EHBP1: variants seen among roughly 807,000 people sequenced by gnomAD.
EHBP1 encodes the protein EH domain-binding protein 1.
Under a neutral mutation model 144.0 loss-of-function variants are expected in EHBP1, and 55 were observed. The observed-to-expected ratio is 0.38, with a 90% CI of 0.31 to 0.48. EHBP1 has a LOEUF of 0.48. EHBP1 is among the 20% of genes least tolerant of loss of function. The probability of loss-of-function intolerance (pLI) is 0.98; values close to 1 mark genes in which losing one functional copy is unlikely to be tolerated. For synonymous variants in EHBP1, 469 were observed against 472.7 expected, an observed-to-expected ratio of 0.99 and a Z score of 0.10; for missense variants, 1,200 against 1,364.2, an observed-to-expected ratio of 0.88 and a Z score of 1.90.
chr2:62,893,246 G>A (rs2152920751), intron 10 of EHBP1, among the ~76,000 whole-genome samples: 1 of 152,240 alleles, frequency 6.6e-6, no homozygotes, highest in East Asian at 1.9e-4. Flanking sequence ...CATTTTCTTT[G>A]TGTCATAAGT....
At chr2:62,852,889 A>C (rs1182460426) in intron 7 of EHBP1, among the ~76,000 whole-genome samples, 2 of 152,176 alleles carry the variant, frequency 1.3e-5, no homozygotes, top group Non-Finnish European at 2.9e-5. Flanking sequence ...AACTATTGGC[A>C]AAACAAGATG....
intron 5 of EHBP1, among the ~76,000 whole-genome samples, chr2:62,783,098 G>A (rs1352699804): frequency 6.6e-6 from 1 of 152,112 alleles, no homozygotes; most frequent in Non-Finnish European, 1.5e-5. Flanking sequence ...ATCCAACAGG[G>A]CAGTCATTAA....
chr2:62,714,088 C>T (rs1004927122), intron 2 of EHBP1, among the ~76,000 whole-genome samples: 2 of 152,038 alleles, frequency 1.3e-5, no homozygotes, highest in African/African-American at 4.8e-5. Context: ...CTTTTGTTCT[C>T]TAAAAAAATA....
At chr2:62,840,032 A>T (rs1043094416) in intron 7 of EHBP1, among the ~76,000 whole-genome samples, 6 of 152,166 alleles carry the variant, frequency 3.9e-5, no homozygotes, top group Non-Finnish European at 8.8e-5. Context: ...CATTGCCAAG[A>T]CAATCCTAAG....
intron 14 of EHBP1, 27 bp from the exon 15 acceptor site, chr2:62,979,161 A>G: frequency 1.3e-6 from 2 of 1,581,410 alleles, no homozygotes; most frequent in Middle Eastern, 1.7e-4. Flanking sequence ...TCAATTACTG[A>G]GTTGGCAACT....
intron 10 of EHBP1, among the ~76,000 whole-genome samples, chr2:62,880,410 AAAAG>A (rs921190633): frequency 1.6e-4 from 25 of 152,204 alleles, no homozygotes; most frequent in Admixed American, 2.6e-4. Context: ...TGCACAGCAA[AAAAG>A]AAAGAAACAA....
chr2:63,013,112 A>G (rs2060337610), intron 19 of EHBP1, among the ~76,000 whole-genome samples: 1 of 152,202 alleles, frequency 6.6e-6, no homozygotes, highest in Non-Finnish European at 1.5e-5. Context: ...ACACAGTTTC[A>G]AAAATAGAAT....
chr2:62,967,316 T>TA (rs2058289515), intron 14 of EHBP1, among the ~76,000 whole-genome samples: 1 of 152,144 alleles, frequency 6.6e-6, no homozygotes, highest in Admixed American at 6.5e-5. Context: ...CTGAAACACA[T>TA]ACGCACGACT....
chr2:62,760,194 T>A (rs1039061852), intron 3 of EHBP1, among the ~76,000 whole-genome samples: 5 of 152,198 alleles, frequency 3.3e-5, no homozygotes, highest in African/African-American at 1.2e-4. Context: ...TTCATACCTG[T>A]GTTGTTCAAG....
intron 10 of EHBP1, among the ~76,000 whole-genome samples, chr2:62,912,598 A>G (rs1368643380): frequency 6.6e-6 from 1 of 152,182 alleles, no homozygotes; most frequent in African/African-American, 2.4e-5. Context: ...CAATACTTGT[A>G]TGCCCATCTT....
chr2:63,031,814 A>G (rs933412520), intron 19 of EHBP1, among the ~76,000 whole-genome samples: 4 of 152,106 alleles, frequency 2.6e-5, no homozygotes, highest in African/African-American at 9.7e-5. Flanking sequence ...CTGTGATCCC[A>G]GCAACACGAG....
At chr2:62,725,987 A>G (rs905290276) in intron 2 of EHBP1, among the ~76,000 whole-genome samples, 1 of 152,038 alleles carries the variant, frequency 6.6e-6, no homozygotes, top group Non-Finnish European at 1.5e-5. Flanking sequence ...TGGCCAGGCT[A>G]GGACCCAGGG....
At chr2:62,892,407 A>G (rs1056013696) in intron 10 of EHBP1, among the ~76,000 whole-genome samples, 3 of 152,142 alleles carry the variant, frequency 2.0e-5, no homozygotes, top group Admixed American at 6.5e-5. Flanking sequence ...ATTAGCATAA[A>G]TAACAGGTTT....
intron 3 of EHBP1, among the ~76,000 whole-genome samples, chr2:62,751,615 C>T (rs183679394): frequency 4.6e-5 from 7 of 152,024 alleles, no homozygotes; most frequent in South Asian, 4.2e-4. Flanking sequence ...ATCTGGTCCT[C>T]GACTTTTTTT....
chr2:62,952,907 C>T (rs2057464505), intron 13 of EHBP1, among the ~76,000 whole-genome samples: 1 of 152,034 alleles, frequency 6.6e-6, no homozygotes, highest in South Asian at 2.1e-4. Flanking sequence ...AGGAATTTTT[C>T]CTAAGGAAAT....
intron 10 of EHBP1, among the ~76,000 whole-genome samples, chr2:62,924,060 C>T (rs2055307378): frequency 1.3e-5 from 2 of 152,156 alleles, no homozygotes; most frequent in Non-Finnish European, 2.9e-5. Context: ...TGAGAAACAG[C>T]CATCCTGTGG....
At chr2:62,919,558 A>G (rs925665364) in intron 10 of EHBP1, among the ~76,000 whole-genome samples, 5 of 152,218 alleles carry the variant, frequency 3.3e-5, no homozygotes, top group African/African-American at 4.8e-5. Context: ...GAAGGGAATA[A>G]TGACTTTTAG....
intron 19 of EHBP1, among the ~76,000 whole-genome samples, chr2:63,034,755 A>G (rs551185988): frequency 6.6e-6 from 1 of 152,140 alleles, no homozygotes; most frequent in South Asian, 2.1e-4. Context: ...TATTCAAAGT[A>G]CCGCACTGAC....
chr2:62,706,171 G>C (rs945043740), intron 1 of EHBP1, 119 bp downstream of exon 1: 1 of 153,672 alleles, frequency 6.5e-6, no homozygotes, highest in Admixed American at 6.5e-5. Context: ...TGTCTCCGCT[G>C]GGGGGCAGGG....
Sources: gnomAD v4.1 joint callset for allele counts (sites outside exome capture counted in the v4.1 genomes callset) on GRCh38, gnomAD v4.1.1 for gene constraint, MANE v1.5 for transcripts, NCBI Gene and HGNC (gene_info 2026-07-23, HGNC 2026-07-21) for gene names.